The following SNTG2 variants were observed in gnomAD, a reference collection of about 807,000 sequenced individuals.
The protein encoded by SNTG2 is gamma-2-syntrophin.
SNTG2 carries 74 observed loss-of-function variants against 70.9 expected under a neutral mutation model. The observed-to-expected ratio is 1.04, with a 90% CI of 0.86 to 1.27. SNTG2 has a LOEUF of 1.27. Among genes scored for constraint, SNTG2 ranks in the 50% most tolerant of loss-of-function variants. SNTG2 has a pLI of 0.00. For missense variants in SNTG2, 717 were observed against 690.7 expected, an observed-to-expected ratio of 1.04 and a Z score of -0.43; for synonymous variants, 278 against 273.8, an observed-to-expected ratio of 1.02 and a Z score of -0.15.
At chr2:1,130,650 G>A (rs1362744351) in intron 4 of SNTG2, among the ~76,000 whole-genome samples, 2 of 152,164 alleles carry the variant, frequency 1.3e-5, no homozygotes, top group Admixed American at 1.3e-4. Context: ...AATGTTCCAG[G>A]TCCACATTTT....
chr2:1,065,612 T>C (rs992872417), intron 1 of SNTG2, among the ~76,000 whole-genome samples: 25 of 152,268 alleles, frequency 1.6e-4, no homozygotes, highest in Non-Finnish European at 1.2e-4. Flanking sequence ...GAGGCATTTT[T>C]GTTTTTGTTA....
chr2:1,223,866 C>CGCAGCACACAGATGGGTGGCCTTAT (rs1558559290), intron 9 of SNTG2, among the ~76,000 whole-genome samples: 1 of 151,768 alleles, frequency 6.6e-6, no homozygotes. Context: ...GGTGGCCTTA[C>CGCAGCACACAGATGGGTGGCCTTAT]GCAGCACACA....
At chr2:1,336,533 C>A (rs564491008) in intron 16 of SNTG2, among the ~76,000 whole-genome samples, 1 of 152,248 alleles carries the variant, frequency 6.6e-6, no homozygotes, top group Admixed American at 6.5e-5. Context: ...ACATCATTGC[C>A]CAGACCAATG....
chr2:1,308,532 G>A lies in SNTG2; in HGVS notation c.1323G>A (p.Leu441=), dbSNP rs1338160121. 1.9e-6 allele frequency: 3 copies of A among 1,551,698 alleles called. No individual in the cohort carries two copies. Among genetic ancestry groups the A allele is most frequent in the South Asian group, 2.4e-5 (2 of 84,052 alleles). Residue 441 remains leucine (L), a synonymous_variant, in exon 15 of 17, where the codon CTG becomes CTA. Coordinates refer to ENST00000308624, the MANE Select transcript of SNTG2 (RefSeq NM_018968.4). ...TYMCSWQGEM[L]CFTVDFALGF... ...TGTGCAGCTGGCAAGGAGAGATGCT[G>A]TGTTTCACGGTGGATTTCGCGTTGG...
At chr2:1,265,092 C>A (rs965572533) in intron 13 of SNTG2, among the ~76,000 whole-genome samples, 3 of 151,888 alleles carry the variant, frequency 2.0e-5, no homozygotes, top group African/African-American at 4.8e-5. Flanking sequence ...GGGGGATGTG[C>A]GTTCCCACAT....
At chr2:1,365,774 T>C (rs963118393) in intron 16 of SNTG2, among the ~76,000 whole-genome samples, 3 of 152,202 alleles carry the variant, frequency 2.0e-5, no homozygotes, top group Non-Finnish European at 2.9e-5. Flanking sequence ...AAGAAAGGCA[T>C]GCAGAGAGGA....
In SNTG2 at chr2:1,333,298, A is replaced by C. The variant is rs182613089; in HGVS notation, c.1488+16923A>C. 2.9e-3 allele frequency among the ~76,000 whole-genome samples: 436 copies of C among 152,338 alleles called. 3 individuals are homozygous for C. The highest frequency in any genetic ancestry group is 9.6e-3 in the African/African-American group (399 of 41,578). ...ACAAAACACTGCTGAAAGAAATCAT[A>C]GCTGACACAGACAAATGGAAACACA... On this transcript the variant is annotated intron_variant, in intron 16 of 16. Coordinates refer to ENST00000308624, the MANE Select transcript of SNTG2 (RefSeq NM_018968.4).
chr2:1,156,701 TGAG>T (rs1669920538), intron 6 of SNTG2, among the ~76,000 whole-genome samples: 1 of 151,964 alleles, frequency 6.6e-6, no homozygotes, highest in Middle Eastern at 3.2e-3. Flanking sequence ...GGGTTCGGTT[TGAG>T]GAGGAGGCAG....
At chr2:986,065 A>AAGAG (rs1491475263) in intron 1 of SNTG2, among the ~76,000 whole-genome samples, 1 of 62,804 alleles carries the variant, frequency 1.6e-5, no homozygotes, top group Non-Finnish European at 3.5e-5. Context: ...CCCTGCAAAT[A>AAGAG]ATAGAGAGAG....
chr2:1,199,558 A>G (rs533095170), intron 8 of SNTG2, among the ~76,000 whole-genome samples: 2 of 152,248 alleles, frequency 1.3e-5, no homozygotes, highest in East Asian at 3.9e-4. Flanking sequence ...AGGCATTCAC[A>G]TTGAAAAATA....
chr2:1,004,691 A>T (rs1343365376), intron 1 of SNTG2, among the ~76,000 whole-genome samples: 1 of 152,012 alleles, frequency 6.6e-6, no homozygotes, highest in Non-Finnish European at 1.5e-5. Flanking sequence ...AGCGATGGGG[A>T]CTCTCCTTCG....
At chr2:1,103,016 A>G (rs943726040) in intron 4 of SNTG2, among the ~76,000 whole-genome samples, 35 of 152,244 alleles carry the variant, frequency 2.3e-4, no homozygotes, top group Admixed American at 2.1e-3. Flanking sequence ...AGGATTCCAC[A>G]CCCTGGAGCC....
At chr2:1,348,814 T>C (rs1322983140) in intron 16 of SNTG2, among the ~76,000 whole-genome samples, 2 of 152,216 alleles carry the variant, frequency 1.3e-5, no homozygotes, top group East Asian at 1.9e-4. Context: ...ATTAACAAAT[T>C]GTTGTACAGT....
intron 6 of SNTG2, chr2:1,159,532 G>T (rs987341715): frequency 6.6e-6 from 1 of 152,080 alleles, no homozygotes; most frequent in African/African-American, 2.4e-5. Context: ...CAATAGTAAC[G>T]TGAAAAATAT....
intron 1 of SNTG2, among the ~76,000 whole-genome samples, chr2:967,033 T>C (rs1660592375): frequency 6.6e-6 from 1 of 152,200 alleles, no homozygotes; most frequent in Non-Finnish European, 1.5e-5. Context: ...TGAGAAACTT[T>C]AAAAGTCCAA....
intron 8 of SNTG2, among the ~76,000 whole-genome samples, chr2:1,200,180 A>G (rs560464490): frequency 6.6e-6 from 1 of 152,136 alleles, no homozygotes; most frequent in South Asian, 2.1e-4. Context: ...ACAGAGACCA[A>G]TAAAATATAA....
rs1665436687 is a variant in SNTG2 at position 1,097,023 on chromosome 2, T to C, written c.211-1173T>C. Among the ~76,000 whole-genome samples, 1 of 152,210 alleles carries C rather than the reference T, an allele frequency of 6.6e-6. No homozygotes were observed. The highest frequency in any genetic ancestry group is 2.4e-5 in the African/African-American group (1 of 41,454). On this transcript the variant is annotated intron_variant, in intron 2 of 16. Transcript: ENST00000308624. This position sits in a 1 kb window ranked among gnomAD's most constrained non-coding sequence, Gnocchi z 4.1. ...TCTTTTTCTGTGTATAAAATTATTT[T>C]TGTCAGTTAAAAATACTATATGTCC... is the stretch of plus-strand genomic sequence containing the variant.
chr2:1,366,485 G>A (rs1457347788), intron 16 of SNTG2, among the ~76,000 whole-genome samples: 8 of 152,140 alleles, frequency 5.3e-5, no homozygotes, highest in African/African-American at 1.9e-4. Context: ...GGTCATTTTT[G>A]CTTTTACAGG....
At chr2:1,125,354 T>C (rs898239098) in intron 4 of SNTG2, among the ~76,000 whole-genome samples, 5 of 152,304 alleles carry the variant, frequency 3.3e-5, no homozygotes, top group Admixed American at 2.6e-4. Context: ...CAAGAGTGTG[T>C]AACAGGAAGC....
Sources: allele counts gnomAD v4.1 joint callset (sites outside exome capture counted in the v4.1 genomes callset), GRCh38; gene constraint gnomAD v4.1.1; non-coding constraint Gnocchi (gnomAD v3.1); transcripts MANE v1.5; gene names NCBI Gene and HGNC (gene_info 2026-07-23, HGNC 2026-07-21).